The following GRXCR2 variants were observed in gnomAD, a reference collection of about 807,000 sequenced individuals.
GRXCR2 encodes glutaredoxin domain-containing cysteine-rich protein 2.
A neutral mutation model predicts 24.8 loss-of-function variants in GRXCR2; 23 were observed. That is an observed-to-expected ratio of 0.93 (90% CI 0.67 to 1.32). GRXCR2 has a LOEUF of 1.32. GRXCR2 is among the 40% of genes most tolerant of loss of function. The probability of loss-of-function intolerance (pLI) is 0.00; values close to 1 mark genes in which losing one functional copy is unlikely to be tolerated. For missense variants in GRXCR2, 315 were observed against 303.4 expected (o/e 1.04, Z -0.28); for synonymous variants, 130 against 116.1 (o/e 1.12, Z -0.77).
chr5:145,896,781 T>C (rs555037347), intron 2 of GRXCR2, among the ~76,000 whole-genome samples: 29 of 152,276 alleles, frequency 1.9e-4, no homozygotes, highest in African/African-American at 6.3e-4. Context: ...ATCCCATTAC[T>C]GGGTATATAC....
intron 2 of GRXCR2, among the ~76,000 whole-genome samples, chr5:145,917,228 C>A (rs1413304426): frequency 6.6e-6 from 1 of 151,844 alleles, no homozygotes; most frequent in Non-Finnish European, 1.5e-5. Context: ...AGTCTTCTTT[C>A]TTCCCCAAAG....
intron 2 of GRXCR2, among the ~76,000 whole-genome samples, chr5:145,930,593 A>T (rs1757465219): frequency 6.6e-6 from 1 of 152,210 alleles, no homozygotes; most frequent in Admixed American, 6.5e-5. Context: ...TCGACATTTT[A>T]AAAAAGTACA....
At chr5:145,918,129 G>A (rs113371268) in intron 2 of GRXCR2, among the ~76,000 whole-genome samples, 3 of 152,168 alleles carry the variant, frequency 2.0e-5, no homozygotes, top group Admixed American at 1.3e-4. Flanking sequence ...GCCAGTTCCC[G>A]TGATTGCCAC....
rs1218894368 is a variant in GRXCR2 at position 145,866,701 on chromosome 5, T to C, written c.364A>G (p.Ile122Val). 6.2e-7 allele frequency: 1 copy of C among 1,612,366 alleles called. No individual in the cohort carries two copies. Among genetic ancestry groups the C allele is most frequent in the Non-Finnish European group, 8.5e-7 (1 of 1,178,388 alleles). ...TTCAGGTTATTAGTGTAGATGATTA[T>C]CTTTCCAAAATCTATAATAGGTAGG... ...KPLPIIDFGK[I>V]IIYTNNLKII... The change falls in exon 2 of 3, where the codon ATA (isoleucine) becomes GTA (valine). Residue 122 changes from isoleucine (I) to valine (V), a missense_variant. By Grantham distance (29) the Ile-to-Val change is conservative. Coordinates refer to ENST00000377976, the MANE Select transcript of GRXCR2 (RefSeq NM_001080516.2).
chr5:145,922,641 G>A (rs2149929130), intron 2 of GRXCR2, among the ~76,000 whole-genome samples: 1 of 152,214 alleles, frequency 6.6e-6, no homozygotes, highest in Admixed American at 6.5e-5. Flanking sequence ...CAGGCTCCAG[G>A]TATACCATGG....
chr5:145,873,997 C>G (rs1756573767), upstream of GRXCR2, among the ~76,000 whole-genome samples: 1 of 152,082 alleles, frequency 6.6e-6, no homozygotes, highest in Admixed American at 6.5e-5. Context: ...GAAGTGGTCT[C>G]TAAGGAGACA....
At chr5:145,891,938 C>T (rs980133122) in intron 2 of GRXCR2, among the ~76,000 whole-genome samples, 1 of 152,126 alleles carries the variant, frequency 6.6e-6, no homozygotes, top group Non-Finnish European at 1.5e-5. Context: ...GACAAAACTT[C>T]CAGAGGAACG....
chr5:145,866,365 C>T, intron 2 of GRXCR2, 136 bp downstream of exon 2: 1 of 610,762 alleles, frequency 1.6e-6, no homozygotes, highest in Non-Finnish European at 2.9e-6. Flanking sequence ...TGTTAAAATT[C>T]CTCATATCTT....
chr5:145,920,506 C>G (rs928804640), intron 2 of GRXCR2, among the ~76,000 whole-genome samples: 5 of 152,170 alleles, frequency 3.3e-5, no homozygotes, highest in African/African-American at 1.2e-4. Context: ...GAACCTGAGT[C>G]TCAAAAATAT....
chr5:145,880,796 C>A (rs1295350932), intron 2 of GRXCR2, among the ~76,000 whole-genome samples: 1 of 152,190 alleles, frequency 6.6e-6, no homozygotes, highest in East Asian at 1.9e-4. Context: ...TACTGGCAAA[C>A]CAAATCCAGT....
chr5:145,909,533 T>A (rs1307071221), intron 2 of GRXCR2, among the ~76,000 whole-genome samples: 1 of 152,206 alleles, frequency 6.6e-6, no homozygotes, highest in Non-Finnish European at 1.5e-5. Context: ...ATTGCCCCCC[T>A]CAGTGTAACT....
At chr5:145,862,386 C>G (rs1237712887) in intron 2 of GRXCR2, among the ~76,000 whole-genome samples, 1 of 152,144 alleles carries the variant, frequency 6.6e-6, no homozygotes, top group Non-Finnish European at 1.5e-5. Flanking sequence ...CATTCTTATT[C>G]TGGGTTACCA....
chr5:145,869,051 G>A (rs1278253680), intron 1 of GRXCR2, among the ~76,000 whole-genome samples: 1 of 152,182 alleles, frequency 6.6e-6, no homozygotes, highest in Non-Finnish European at 1.5e-5. Context: ...TTTTGTCTGT[G>A]GCAACATAAC....
intron 1 of GRXCR2, among the ~76,000 whole-genome samples, chr5:145,871,496 C>T (rs1379169198): frequency 1.3e-5 from 2 of 152,040 alleles, no homozygotes; most frequent in African/African-American, 4.8e-5. Context: ...GCCTTTCTCC[C>T]CAAGGTTATA....
intron 2 of GRXCR2, among the ~76,000 whole-genome samples, chr5:145,894,584 A>T (rs1756920553): frequency 6.6e-6 from 1 of 152,230 alleles, no homozygotes; most frequent in Admixed American, 6.5e-5. Flanking sequence ...ATAAACCAGG[A>T]AGAAGTTCAA....
rs756547626 is a variant in GRXCR2 at position 145,872,692 on chromosome 5, C to T, written c.277G>A (p.Ala93Thr). Residue 93 changes from alanine to threonine, a missense_variant, in exon 1 of 3, where the codon GCC becomes ACC. Physicochemically the swap from Ala to Thr is moderately conservative, Grantham distance 58. Transcript: ENST00000377976. Reference sequence around the variant, plus strand: ...GGCTGGCCGCCTGCCAAGGTGTAGGCATTACCCTCTCTAAACACACTGATC... The same window carrying T: ...GGCTGGCCGCCTGCCAAGGTGTAGGTATTACCCTCTCTAAACACACTGATC... ...QRISVFREGN[A>T]YTLAGGQPRF... 1.9e-6 allele frequency: 3 copies of T among 1,613,444 alleles called. No individual in the cohort carries two copies. The highest frequency in any genetic ancestry group is 2.5e-6 in the Non-Finnish European group (3 of 1,179,512).
chr5:145,924,958 C>T (rs1757370999), intron 2 of GRXCR2, among the ~76,000 whole-genome samples: 2 of 152,088 alleles, frequency 1.3e-5, no homozygotes, highest in Non-Finnish European at 2.9e-5. Context: ...AGCAGTTGGG[C>T]TCAATTTTAA....
At chr5:145,865,261 T>C (rs1472214987) in intron 2 of GRXCR2, among the ~76,000 whole-genome samples, 2 of 152,120 alleles carry the variant, frequency 1.3e-5, no homozygotes, top group Admixed American at 6.6e-5. Flanking sequence ...GAGAGAAAAT[T>C]CATTCATCCA....
In GRXCR2 at chr5:145,894,889, A is replaced by C. The variant is rs902172716; in HGVS notation, c.-69-28161T>G. 9.2e-5 allele frequency among the ~76,000 whole-genome samples: 14 copies of C among 152,288 alleles called. No individual in the cohort carries two copies. In the East Asian group the frequency reaches 2.7e-3, roughly 29 times the overall value. On this transcript the variant is annotated intron_variant, in intron 2 of 3. Transcript: ENST00000639411. ...AACATCGATGCAAAAATCCTCAATA[A>C]AATACTGGCAAACCAAATCCAGCAG...
Sources: gnomAD v4.1 joint callset for allele counts (sites outside exome capture counted in the v4.1 genomes callset) on GRCh38, gnomAD v4.1.1 for gene constraint, MANE v1.5 for transcripts, NCBI Gene and HGNC (gene_info 2026-07-23, HGNC 2026-07-21) for gene names.